PEAK1: variants seen among roughly 807,000 people sequenced by gnomAD.
PEAK1 encodes pseudopodium enriched atypical kinase 1.
Under a neutral mutation model 124.7 loss-of-function variants are expected in PEAK1, and 54 were observed. The observed-to-expected ratio is 0.43, with a 90% CI of 0.35 to 0.54. PEAK1 has a LOEUF of 0.54. Among genes scored for constraint, PEAK1 ranks in the 20% least tolerant of loss-of-function variants. PEAK1 has a pLI of 0.01. For missense variants in PEAK1, 2,046 were observed against 2,134.5 expected (o/e 0.96, Z 0.82); for synonymous variants, 719 against 760.0 (o/e 0.95, Z 0.89).
At position 77,399,219 on chromosome 15, in the gene PEAK1, A is replaced by G. The variant is rs1463630910; in HGVS notation, c.-666+20787T>C. ...CTATAGATTCTTCATGGACTGGAAGAATCAATATTGTTAAAATGTCCATAC... is the reference window on the plus strand; with the variant it reads ...CTATAGATTCTTCATGGACTGGAAGGATCAATATTGTTAAAATGTCCATAC... On this transcript the variant is annotated intron_variant, in intron 1 of 9. Transcript: ENST00000682557. 4.6e-5 allele frequency among the ~76,000 whole-genome samples: 7 copies of G among 152,324 alleles called. No individual in the cohort carries two copies. In the East Asian group the frequency reaches 1.2e-3, roughly 25 times the overall value.
At chr15:77,117,566 G>A (rs1220405650) in intron 9 of PEAK1, among the ~76,000 whole-genome samples, 1 of 152,120 alleles carries the variant, frequency 6.6e-6, no homozygotes, top group Non-Finnish European at 1.5e-5. Flanking sequence ...TTTATTTTGA[G>A]TCCCGACAGC....
chr15:77,302,101 C>T (rs1456221781), intron 2 of PEAK1, among the ~76,000 whole-genome samples: 1 of 152,048 alleles, frequency 6.6e-6, no homozygotes, highest in Non-Finnish European at 1.5e-5. Flanking sequence ...CTCCATACAT[C>T]TTGTATATTT....
chr15:77,283,197 T>G (rs1269715343), intron 5 of PEAK1, among the ~76,000 whole-genome samples: 1 of 152,208 alleles, frequency 6.6e-6, no homozygotes, highest in Non-Finnish European at 1.5e-5. Context: ...AAGTCAAATC[T>G]CAAAATGTTG....
intron 1 of PEAK1, among the ~76,000 whole-genome samples, chr15:77,415,610 T>G (rs1312240116): frequency 3.9e-5 from 6 of 152,228 alleles, no homozygotes; most frequent in Admixed American, 6.5e-5. Context: ...CCTTCACTCT[T>G]AGCAGATGAT....
At chr15:77,139,526 C>T (rs1596322344) in intron 8 of PEAK1, among the ~76,000 whole-genome samples, 1 of 152,272 alleles carries the variant, frequency 6.6e-6, no homozygotes, top group East Asian at 1.9e-4. Context: ...GTCACAATGG[C>T]TATGTCACTA....
intron 6 of PEAK1, among the ~76,000 whole-genome samples, chr15:77,226,072 TATATA>T: frequency 7.3e-6 from 1 of 137,208 alleles, no homozygotes; most frequent in African/African-American, 2.7e-5. Context: ...TATATATATA[TATATA>T]TATATATATA....
intron 2 of PEAK1, chr15:77,351,788 A>G: frequency 1.0e-6 from 1 of 985,446 alleles, no homozygotes; most frequent in Non-Finnish European, 1.2e-6. Context: ...CTTGATGAAA[A>G]TGTGGAGCAC....
chr15:77,209,016 G>A (rs2058786419), intron 6 of PEAK1, among the ~76,000 whole-genome samples: 1 of 152,212 alleles, frequency 6.6e-6, no homozygotes, highest in East Asian at 1.9e-4. Flanking sequence ...TTGGAAGTTA[G>A]GGAAGATTTG....
chr15:77,221,674 G>A (rs2059398273), intron 6 of PEAK1, among the ~76,000 whole-genome samples: 1 of 152,018 alleles, frequency 6.6e-6, no homozygotes, highest in Non-Finnish European at 1.5e-5. Context: ...CACACTATAA[G>A]AAAACCAGTT....
chr15:77,131,215 G>A (rs548072351), intron 9 of PEAK1, among the ~76,000 whole-genome samples: 1 of 152,292 alleles, frequency 6.6e-6, no homozygotes, highest in Non-Finnish European at 1.5e-5. Flanking sequence ...CTCAGCTCTG[G>A]CCAGGCATGG....
chr15:77,244,005 A>G lies in PEAK1; in HGVS notation c.-115+8362T>C, dbSNP rs75888851. ...AAAAAAAAGAAAAAGAAACCCACAG[A>G]TGGTTGGCAAAAGTGATCACATTCA... On this transcript the variant is annotated intron_variant, in intron 6 of 9. Coordinates refer to ENST00000682557, the MANE Select transcript of PEAK1 (RefSeq NM_001385026.1). Among the ~76,000 whole-genome samples the G allele has an allele frequency of 7.3e-3, 1,103 of 152,036 alleles. 15 individuals are homozygous for G. Among genetic ancestry groups the G allele is most frequent in the African/African-American group, 0.025 (1,047 of 41,514 alleles).
chr15:77,367,368 C>G (rs1315498849), intron 1 of PEAK1, among the ~76,000 whole-genome samples: 1 of 152,000 alleles, frequency 6.6e-6, no homozygotes, highest in East Asian at 1.9e-4. Flanking sequence ...ATTGCAGGAA[C>G]CAAAGGTTGT....
intron 8 of PEAK1, among the ~76,000 whole-genome samples, chr15:77,147,833 T>C (rs1312706128): frequency 6.6e-6 from 1 of 152,196 alleles, no homozygotes; most frequent in Non-Finnish European, 1.5e-5. Context: ...AAATAACACA[T>C]TCTTTAAAGC....
At chr15:77,356,734 C>T (rs1480252807) in intron 2 of PEAK1, among the ~76,000 whole-genome samples, 1 of 152,074 alleles carries the variant, frequency 6.6e-6, no homozygotes, top group Non-Finnish European at 1.5e-5. Flanking sequence ...TCAAGGTGTG[C>T]ATATATAGAA....
intron 6 of PEAK1, among the ~76,000 whole-genome samples, chr15:77,202,896 G>T (rs2058437163): frequency 6.6e-6 from 1 of 151,930 alleles, no homozygotes; most frequent in Admixed American, 6.6e-5. Flanking sequence ...AATTACCTGG[G>T]TGTGGCAGTG....
At chr15:77,256,471 TGAG>T (rs998040351) in intron 5 of PEAK1, among the ~76,000 whole-genome samples, 2 of 152,056 alleles carry the variant, frequency 1.3e-5, no homozygotes, top group Non-Finnish European at 2.9e-5. Context: ...GATAGCTTAC[TGAG>T]GAGATTTTTA....
chr15:77,242,105 A>G (rs1045630163), intron 6 of PEAK1, among the ~76,000 whole-genome samples: 1 of 152,060 alleles, frequency 6.6e-6, no homozygotes, highest in Non-Finnish European at 1.5e-5. Context: ...AGTATGTTCC[A>G]TATTTCTCTA....
chr15:77,420,595 G>C, upstream of PEAK1: 1 of 335,990 alleles, frequency 3.0e-6, no homozygotes, highest in Non-Finnish European at 5.3e-6. Context: ...ACCAATTTCA[G>C]TTCTTCTACT....
At chr15:77,321,658 T>C (rs906711643) in intron 2 of PEAK1, among the ~76,000 whole-genome samples, 1 of 152,220 alleles carries the variant, frequency 6.6e-6, no homozygotes, top group African/African-American at 2.4e-5. Context: ...CTCTTTAGTT[T>C]AATTAGATCC....
Sources: gnomAD v4.1 joint callset for allele counts (sites outside exome capture counted in the v4.1 genomes callset) on GRCh38, gnomAD v4.1.1 for gene constraint, MANE v1.5 for transcripts, NCBI Gene and HGNC (gene_info 2026-07-23, HGNC 2026-07-21) for gene names.